The following USP53 variants were observed in gnomAD, a reference collection of about 807,000 sequenced individuals.
USP53 encodes ubiquitin carboxyl-terminal hydrolase 53.
Under a neutral mutation model 94.9 loss-of-function variants are expected in USP53, and 71 were observed. The ratio of observed to expected loss-of-function variants is 0.75; its 90% CI spans 0.62 to 0.91. The LOEUF (loss-of-function observed/expected upper bound fraction) is 0.91, where lower values mean the gene tolerates loss of function less well. Among genes scored for constraint, USP53 ranks in the 40% least tolerant of loss-of-function variants. The pLI is 0.00. For missense variants in USP53, 1,173 were observed against 1,281.0 expected (o/e 0.92, Z 1.29); for synonymous variants, 375 against 422.7 (o/e 0.89, Z 1.39).
intron 17 of USP53, among the ~76,000 whole-genome samples, chr4:119,275,984 T>G (rs1185215911): frequency 6.8e-6 from 1 of 146,434 alleles, no homozygotes; most frequent in Non-Finnish European, 1.5e-5. Flanking sequence ...CTTATCAGCT[T>G]AAGGAGATTT....
At chr4:119,281,236 GA>G in intron 17 of USP53, among the ~76,000 whole-genome samples, 1 of 152,298 alleles carries the variant, frequency 6.6e-6, no homozygotes, top group Middle Eastern at 3.4e-3. Flanking sequence ...TTGGGCGAGA[GA>G]AGTCAAGGAA....
chr4:119,271,696 T>C lies in USP53; in HGVS notation c.1836T>C (p.Asn612=), dbSNP rs754088103. Reference sequence around the variant, plus strand: ...AGCATAGTCCAAGACATAAACCAAATATCAGTAATAAGCCTAAATCTAGCA... The same window carrying C: ...AGCATAGTCCAAGACATAAACCAAACATCAGTAATAAGCCTAAATCTAGCA... The part of the protein sequence containing the change: ...KRQHSPRHKP[N]ISNKPKSSKD... Residue 612 remains asparagine, a synonymous_variant, in exon 16 of 19, where the codon AAT becomes AAC. Coordinates refer to ENST00000692078, the MANE Select transcript of USP53 (RefSeq NM_001371395.1). The C allele has an allele frequency of 2.9e-5, 46 of 1,613,856 alleles. No individual in the cohort carries two copies. The highest frequency in any genetic ancestry group is 3.8e-5 in the Non-Finnish European group (45 of 1,179,998).
chr4:119,238,321 T>C (rs2149320937), intron 4 of USP53, among the ~76,000 whole-genome samples: 1 of 152,246 alleles, frequency 6.6e-6, no homozygotes, highest in South Asian at 2.1e-4. Context: ...CTGACGTCAT[T>C]TCAGTACTGC....
At chr4:119,291,521 T>G (rs1252942869) in intron 18 of USP53, among the ~76,000 whole-genome samples, 2 of 152,150 alleles carry the variant, frequency 1.3e-5, no homozygotes, top group African/African-American at 4.8e-5. Flanking sequence ...GAAGCTTAGG[T>G]TAAGTAATGT....
chr4:119,223,377 G>A (rs1050354979), intron 3 of USP53, among the ~76,000 whole-genome samples: 2 of 152,202 alleles, frequency 1.3e-5, no homozygotes, highest in African/African-American at 4.8e-5. Context: ...TTCTAGGAAA[G>A]TGTACATTTG....
intron 3 of USP53, among the ~76,000 whole-genome samples, chr4:119,230,469 G>A (rs6853317): frequency 0.89 from 134,968 of 152,154 alleles, 60,799 homozygotes; most frequent in Non-Finnish European, 0.96. Flanking sequence ...ATACTTCTTT[G>A]TCCTGGCATA....
intron 6 of USP53, among the ~76,000 whole-genome samples, chr4:119,245,979 G>A (rs1748177245): frequency 6.6e-6 from 1 of 152,132 alleles, no homozygotes; most frequent in Admixed American, 6.5e-5. Flanking sequence ...AGCCTTCCAG[G>A]TAGACAAAGA....
intron 17 of USP53, among the ~76,000 whole-genome samples, chr4:119,290,400 C>G (rs1754618331): frequency 6.6e-6 from 1 of 152,128 alleles, no homozygotes. Flanking sequence ...TATTAGGAAG[C>G]ATTATGGCAT....
At chr4:119,233,098 T>C (rs1050649163) in intron 3 of USP53, among the ~76,000 whole-genome samples, 1 of 152,030 alleles carries the variant, frequency 6.6e-6, no homozygotes, top group Non-Finnish European at 1.5e-5. Flanking sequence ...AGAAATAAAG[T>C]AATATTCTTA....
intron 17 of USP53, among the ~76,000 whole-genome samples, chr4:119,279,731 T>C (rs1391274638): frequency 1.3e-5 from 2 of 152,190 alleles, no homozygotes; most frequent in Non-Finnish European, 2.9e-5. Context: ...GATCTCAGAC[T>C]GCTGTGCTAG....
chr4:119,240,477 A>G (rs1240883875), intron 5 of USP53, among the ~76,000 whole-genome samples: 1 of 152,124 alleles, frequency 6.6e-6, no homozygotes, highest in Non-Finnish European at 1.5e-5. Context: ...ATACTTTCTT[A>G]TGCTTAATAA....
At chr4:119,225,396 C>G (rs2149278538) in intron 3 of USP53, among the ~76,000 whole-genome samples, 1 of 152,274 alleles carries the variant, frequency 6.6e-6, no homozygotes, top group South Asian at 2.1e-4. Flanking sequence ...TACATAAACT[C>G]TTCCAGAAAA....
At chr4:119,257,469 T>C (rs1214519586) in intron 9 of USP53, among the ~76,000 whole-genome samples, 1 of 152,162 alleles carries the variant, frequency 6.6e-6, no homozygotes, top group African/African-American at 2.4e-5. Context: ...AAAGTTGGCA[T>C]GTGGTAAACA....
intron 7 of USP53, among the ~76,000 whole-genome samples, chr4:119,250,858 CT>C (rs1185817471): frequency 1.3e-5 from 2 of 150,346 alleles, no homozygotes; most frequent in Non-Finnish European, 3.0e-5. Context: ...GATATAGAGC[CT>C]TTGTTTTGCT....
intron 10 of USP53, 53 bp from the exon 11 acceptor site, chr4:119,260,454 G>C (rs1321977551): frequency 2.0e-6 from 3 of 1,534,120 alleles, no homozygotes; most frequent in Middle Eastern, 1.7e-4. Flanking sequence ...ACTGTGTAAG[G>C]CTGCCTGGTT....
intron 18 of USP53, 122 bp downstream of exon 18, chr4:119,291,383 G>A: frequency 3.8e-6 from 2 of 532,808 alleles, no homozygotes; most frequent in Non-Finnish European, 6.5e-6. Context: ...CTTTCTTATT[G>A]GGAATCATTA....
At chr4:119,282,177 T>G (rs1034112540) in intron 17 of USP53, among the ~76,000 whole-genome samples, 11 of 152,300 alleles carry the variant, frequency 7.2e-5, no homozygotes, top group Non-Finnish European at 7.4e-5. Context: ...AGTAACATTC[T>G]ATTGTATTAT....
chr4:119,243,516 A>G (rs1747827216), intron 5 of USP53, among the ~76,000 whole-genome samples: 1 of 152,170 alleles, frequency 6.6e-6, no homozygotes, highest in Admixed American at 6.5e-5. Flanking sequence ...ATAAATAAAA[A>G]TAAAATAAAA....
chr4:119,220,580 A>T (rs1744378270), intron 3 of USP53: 4 of 152,248 alleles, frequency 2.6e-5, no homozygotes, highest in Non-Finnish European at 5.9e-5. Flanking sequence ...TTTCATTCAA[A>T]GTAAACAGTT....
Sources: allele counts gnomAD v4.1 joint callset (sites outside exome capture counted in the v4.1 genomes callset), GRCh38; gene constraint gnomAD v4.1.1; transcripts MANE v1.5; gene names NCBI Gene and HGNC (gene_info 2026-07-23, HGNC 2026-07-21).